Variants in PTPRG observed in about 807,000 individuals in gnomAD.
PTPRG encodes the protein protein tyrosine phosphatase receptor type G, also known as receptor-type tyrosine-protein phosphatase gamma.
A neutral mutation model predicts 165.3 loss-of-function variants in PTPRG; 102 were observed. That is an observed-to-expected ratio of 0.62 (90% CI 0.53 to 0.73). PTPRG has a LOEUF of 0.73. Ranked by LOEUF, PTPRG falls within the 30% of genes least tolerant of loss-of-function variation. The pLI is 0.00. For synonymous variants in PTPRG, 675 were observed against 669.5 expected (o/e 1.01, Z -0.13); for missense variants, 1,866 against 1,861.4 (o/e 1.00, Z -0.05).
At chr3:62,292,312 G>A in intron 28 of PTPRG, 109 bp from the exon 29 acceptor site, 1 of 1,233,764 alleles carries the variant, frequency 8.1e-7, no homozygotes, top group Non-Finnish European at 1.1e-6. Flanking sequence ...TAGAGTAAAT[G>A]TCAAAACAGT....
chr3:62,132,478 T>A, intron 5 of PTPRG, 124 bp from the exon 6 acceptor site: 1 of 764,422 alleles, frequency 1.3e-6, no homozygotes, highest in Non-Finnish European at 2.4e-6. Flanking sequence ...CCATGGTGTA[T>A]GTGAGACCTA....
At chr3:62,053,364 T>C (rs1490605693) in intron 4 of PTPRG, among the ~76,000 whole-genome samples, 1 of 148,938 alleles carries the variant, frequency 6.7e-6, no homozygotes, top group East Asian at 2.0e-4. Flanking sequence ...CCTCCCAGGC[T>C]CAAGTGATTC....
chr3:62,230,984 G>A (rs1559683127), intron 13 of PTPRG, among the ~76,000 whole-genome samples: 1 of 152,148 alleles, frequency 6.6e-6, no homozygotes, highest in East Asian at 1.9e-4. Flanking sequence ...TAGAGGCTGC[G>A]AATATGTAAA....
rs185276132 is a variant in PTPRG, at chr3:61,993,303, C to T, written c.370+3499C>T. Among the ~76,000 whole-genome samples the T allele has an allele frequency of 1.6e-3, 247 of 151,752 alleles. 1 individual carries two copies. Among genetic ancestry groups the T allele is most frequent in the Admixed American group, 2.4e-3 (37 of 15,262 alleles). ...TGTGATCTCAGCTCACCGCAACCTCCGCCTCCCGGGTTTAAGCAATTCTCC... is the reference window on the plus strand; with the variant it reads ...TGTGATCTCAGCTCACCGCAACCTCTGCCTCCCGGGTTTAAGCAATTCTCC... On this transcript the variant is annotated intron_variant, in intron 3 of 29. Coordinates refer to ENST00000474889, the MANE Select transcript of PTPRG (RefSeq NM_002841.4).
intron 2 of PTPRG, chr3:61,749,539 G>C (rs1484998623): frequency 5.7e-6 from 1 of 175,688 alleles, no homozygotes; most frequent in African/African-American, 2.4e-5. Context: ...AGAGAGCATT[G>C]TTCTAACTAT....
In PTPRG at chr3:62,293,597, C is replaced by T. The variant is rs142945046; in HGVS notation, c.*290C>T. ...CAAACCCTGATGTGACATTCCATGA[C>T]GACATACATGCTACTTTTTTTTAGT... On this transcript the variant is annotated 3_prime_UTR_variant, in exon 30 of 30. Transcript: ENST00000474889. 5.1e-4 allele frequency: 121 copies of T among 235,762 alleles called. 2 individuals are homozygous for T. The East Asian group carries it at 8.5e-3, about 16-fold the overall frequency. 14.6% of individuals were successfully genotyped at this position (235,762 alleles called of 1,614,324 possible).
In PTPRG at chr3:62,273,900, T is replaced by C; in HGVS notation, c.3465+56T>C. 6.4e-7 allele frequency: 1 copy of C among 1,560,876 alleles called. No individual in the cohort carries two copies. The highest frequency in any genetic ancestry group is 8.8e-7 in the Non-Finnish European group (1 of 1,138,212). On this transcript the variant is annotated intron_variant, in intron 23 of 29. Transcript: ENST00000474889. The surrounding 1 kb of genome is among the most constrained non-coding windows in gnomAD (Gnocchi z 4.1). The stretch of plus-strand genomic sequence containing the variant: ...AAGCAAGAAAATGTTTTAAATGCCT[T>C]GAGTTTGGGGGTTATGTCTTCTTTG...
At position 62,285,499 on chromosome 3, in the gene PTPRG, A is replaced by G. The variant is rs145985620; in HGVS notation, c.4055+2630A>G. 7.2e-3 allele frequency among the ~76,000 whole-genome samples: 666 copies of G among 93,118 alleles called. 2 individuals are homozygous for G. The highest frequency in any genetic ancestry group is 0.024 in the Middle Eastern group (2 of 84). The allele number at this position is 93,118 out of a possible 152,430, so 61.1% of individuals were successfully genotyped here. On this transcript the variant is annotated intron_variant, in intron 28 of 29. Transcript: ENST00000474889. ...CTTCATAGAGATCTTTTTAACACCT[A>G]CTTTTGGGGGTGGCAGGTGGTTGTT... is the stretch of plus-strand genomic sequence containing the variant.
intron 2 of PTPRG, among the ~76,000 whole-genome samples, chr3:61,986,863 T>TCGG (rs2040776267): frequency 6.6e-6 from 1 of 152,234 alleles, no homozygotes; most frequent in Non-Finnish European, 1.5e-5. Flanking sequence ...GGCTTCTTGT[T>TCGG]AAGTGTTCAT....
At chr3:61,784,263 A>G (rs1226700253) in intron 2 of PTPRG, among the ~76,000 whole-genome samples, 1 of 152,112 alleles carries the variant, frequency 6.6e-6, no homozygotes, top group Non-Finnish European at 1.5e-5. Context: ...CTACATGCTG[A>G]GTGGCAGTGG....
intron 2 of PTPRG, among the ~76,000 whole-genome samples, chr3:61,842,497 A>G (rs550292846): frequency 6.6e-6 from 1 of 152,308 alleles, no homozygotes; most frequent in East Asian, 1.9e-4. Flanking sequence ...GCAAGAGAGG[A>G]AAGATAATAG....
At chr3:61,777,683 T>G (rs962928220) in intron 2 of PTPRG, among the ~76,000 whole-genome samples, 6 of 152,168 alleles carry the variant, frequency 3.9e-5, no homozygotes, top group African/African-American at 1.4e-4. Context: ...GGAAGACTTT[T>G]AAAGAGGTCA....
At chr3:62,192,898 C>T (rs549022775) in intron 9 of PTPRG, among the ~76,000 whole-genome samples, 1 of 152,282 alleles carries the variant, frequency 6.6e-6, no homozygotes, top group South Asian at 2.1e-4. Flanking sequence ...TTCTCCAATA[C>T]AGAGTCCTCC....
intron 1 of PTPRG, among the ~76,000 whole-genome samples, chr3:61,646,405 C>T (rs1484344342): frequency 6.6e-6 from 1 of 152,224 alleles, no homozygotes; most frequent in Non-Finnish European, 1.5e-5. Flanking sequence ...AGCCACCGCT[C>T]CTGGCCAGAT....
chr3:61,921,874 G>A (rs2039086133), intron 2 of PTPRG, among the ~76,000 whole-genome samples: 2 of 152,106 alleles, frequency 1.3e-5, no homozygotes, highest in East Asian at 3.9e-4. Context: ...CAGAGTTTAT[G>A]CATATTGAGC....
intron 8 of PTPRG, 121 bp downstream of exon 8, chr3:62,168,284 G>A (rs997590873): frequency 2.2e-6 from 2 of 928,920 alleles, no homozygotes; most frequent in African/African-American, 1.7e-5. Flanking sequence ...ATGTTTCTCT[G>A]CTAAAGGGAG....
chr3:62,237,252 GA>G lies in PTPRG; in HGVS notation c.2375+5943del. On this transcript the variant is annotated intron_variant, in intron 14 of 29. Coordinates refer to ENST00000474889, the MANE Select transcript of PTPRG (RefSeq NM_002841.4). The surrounding 1 kb of genome is among the most constrained non-coding windows in gnomAD (Gnocchi z 4.5). ...GGTCATTCTGGGTATTCTTCCTTAA[GA>G]ATTCCTGGGTGGAAATGGGGGGTCA... is the stretch of plus-strand genomic sequence containing the variant. Among the ~76,000 whole-genome samples the G allele has an allele frequency of 6.6e-6, 1 of 152,272 alleles. No homozygotes were observed. The highest frequency in any genetic ancestry group is 2.1e-4 in the South Asian group (1 of 4,832).
At chr3:61,629,216 G>T (rs368867716) in intron 1 of PTPRG, among the ~76,000 whole-genome samples, 1 of 152,136 alleles carries the variant, frequency 6.6e-6, no homozygotes, top group South Asian at 2.1e-4. Context: ...GTGCAATGGC[G>T]CAATTTCAGC....
intron 1 of PTPRG, among the ~76,000 whole-genome samples, chr3:61,709,157 C>T (rs1469232612): frequency 6.6e-6 from 1 of 152,188 alleles, no homozygotes; most frequent in African/African-American, 2.4e-5. Context: ...GATGAGGCCA[C>T]TGAGGTAGAG....
Sources: allele counts gnomAD v4.1 joint callset (sites outside exome capture counted in the v4.1 genomes callset), GRCh38; gene constraint gnomAD v4.1.1; non-coding constraint Gnocchi (gnomAD v3.1); transcripts MANE v1.5; gene names NCBI Gene and HGNC (gene_info 2026-07-23, HGNC 2026-07-21).